Variants in LRRC4C observed in about 807,000 individuals in gnomAD.
LRRC4C encodes leucine-rich repeat-containing protein 4C.
Under a neutral mutation model 33.6 loss-of-function variants are expected in LRRC4C, and 5 were observed. The ratio of observed to expected loss-of-function variants is 0.15; its 90% CI spans 0.08 to 0.31. The LOEUF (loss-of-function observed/expected upper bound fraction) is 0.31, where lower values mean the gene tolerates loss of function less well. Ranked by LOEUF, LRRC4C falls within the 10% of genes least tolerant of loss-of-function variation. The probability of loss-of-function intolerance (pLI) is 1.00; values close to 1 mark genes in which losing one functional copy is unlikely to be tolerated. For synonymous variants in LRRC4C, 329 were observed against 302.0 expected (o/e 1.09, Z -0.93); for missense variants, 560 against 796.7 (o/e 0.70, Z 3.58).
chr11:40,469,602 C>T (rs557730488), intron 3 of LRRC4C, among the ~76,000 whole-genome samples: 1 of 152,306 alleles, frequency 6.6e-6, no homozygotes, highest in African/African-American at 2.4e-5. Context: ...ATCCCACCCC[C>T]ACGGAGCCCA....
intron 3 of LRRC4C, among the ~76,000 whole-genome samples, chr11:40,439,457 T>TG (rs1951291817): frequency 1.7e-5 from 2 of 116,786 alleles, no homozygotes; most frequent in South Asian, 4.7e-4. Flanking sequence ...CCATTTATTC[T>TG]TTTTTTTTTT....
chr11:40,595,347 C>G (rs1457879854), intron 3 of LRRC4C, among the ~76,000 whole-genome samples: 1 of 152,020 alleles, frequency 6.6e-6, no homozygotes. Context: ...AAGTACTGAA[C>G]AGTTCAATAG....
At chr11:40,652,036 G>A (rs1343227849) in intron 2 of LRRC4C, among the ~76,000 whole-genome samples, 1 of 152,080 alleles carries the variant, frequency 6.6e-6, no homozygotes, top group African/African-American at 2.4e-5. Context: ...CTCAATTGGG[G>A]ATAGATATTA....
chr11:40,879,094 A>G (rs1329256752), intron 2 of LRRC4C, among the ~76,000 whole-genome samples: 1 of 152,188 alleles, frequency 6.6e-6, no homozygotes, highest in Admixed American at 6.5e-5. Context: ...GTTCTTGTAC[A>G]GTGCCTTGAA....
At chr11:40,599,069 G>A (rs1480485125) in intron 3 of LRRC4C, among the ~76,000 whole-genome samples, 3 of 152,022 alleles carry the variant, frequency 2.0e-5, no homozygotes, top group African/African-American at 4.8e-5. Context: ...CAAGGCTCAG[G>A]ACATTTACCT....
intron 1 of LRRC4C, among the ~76,000 whole-genome samples, chr11:40,942,080 G>C (rs578164383): frequency 5.1e-4 from 77 of 152,228 alleles, no homozygotes; most frequent in African/African-American, 1.7e-3. Flanking sequence ...AAGGAGAATG[G>C]AAGGGGCAAA....
chr11:40,952,896 A>ACTCTCT (rs35019678), intron 1 of LRRC4C, among the ~76,000 whole-genome samples: 24 of 70,228 alleles, frequency 3.4e-4, no homozygotes, highest in Middle Eastern at 7.4e-3. Context: ...ACACACACAC[A>ACTCTCT]CTCTCTCTCT....
intron 1 of LRRC4C, among the ~76,000 whole-genome samples, chr11:41,212,779 A>C (rs1946877603): frequency 6.6e-6 from 1 of 152,226 alleles, no homozygotes. Context: ...CCTGCAAAGG[A>C]CATGATCTCA....
At position 41,052,016 on chromosome 11, in the gene LRRC4C, C is replaced by T. The variant is rs536728574; in HGVS notation, c.-495-118293G>A. Among the ~76,000 whole-genome samples the T allele has an allele frequency of 3.3e-5, 5 of 152,230 alleles. 1 individual carries two copies. The South Asian group carries it at 1.0e-3, about 32-fold the overall frequency. On this transcript the variant is annotated intron_variant, in intron 1 of 6. Coordinates refer to ENST00000528697, the MANE Select transcript of LRRC4C (RefSeq NM_001258419.2). ...TACCTAAACCACTCAATGTTCTGAT[C>T]TCTAACATGTTTATTGAAATCCTCT...
At chr11:40,143,597 C>A (rs573459071) in intron 5 of LRRC4C, among the ~76,000 whole-genome samples, 111 of 152,252 alleles carry the variant, frequency 7.3e-4, no homozygotes, top group Non-Finnish European at 1.5e-3. Flanking sequence ...GACAACAGTG[C>A]CACCTTTCAT....
chr11:40,525,363 T>C (rs1956000749), intron 3 of LRRC4C, among the ~76,000 whole-genome samples: 2 of 151,990 alleles, frequency 1.3e-5, no homozygotes. Context: ...GGAGAATCGC[T>C]TGAACCCAGG....
intron 2 of LRRC4C, among the ~76,000 whole-genome samples, chr11:40,859,497 T>C (rs10837509): frequency 0.65 from 97,992 of 151,896 alleles, 36,901 homozygotes; most frequent in East Asian, 0.85. Flanking sequence ...ATATATACTC[T>C]TTGTAAGACA....
intron 2 of LRRC4C, among the ~76,000 whole-genome samples, chr11:40,735,415 G>A (rs1947809441): frequency 7.0e-6 from 1 of 143,520 alleles, no homozygotes; most frequent in Admixed American, 7.0e-5. Context: ...TGTGGTGTTT[G>A]GTTTTTTGTC....
intron 1 of LRRC4C, among the ~76,000 whole-genome samples, chr11:41,127,020 T>C (rs1253921704): frequency 6.6e-6 from 1 of 152,192 alleles, no homozygotes; most frequent in East Asian, 1.9e-4. Context: ...AAATCCAATG[T>C]AGTATTTTGC....
chr11:40,629,015 T>C (rs1963227282), intron 3 of LRRC4C, among the ~76,000 whole-genome samples: 2 of 152,110 alleles, frequency 1.3e-5, no homozygotes, highest in African/African-American at 2.4e-5. Context: ...GGTAAAAATA[T>C]AAACAAAAAA....
At chr11:40,183,775 T>C (rs1056770699) in intron 5 of LRRC4C, among the ~76,000 whole-genome samples, 1 of 152,208 alleles carries the variant, frequency 6.6e-6, no homozygotes, top group Non-Finnish European at 1.5e-5. Flanking sequence ...GTATACCTCC[T>C]CAGTCCTTAC....
At chr11:40,917,067 T>C (rs913487518) in intron 2 of LRRC4C, among the ~76,000 whole-genome samples, 1 of 152,180 alleles carries the variant, frequency 6.6e-6, no homozygotes, top group Non-Finnish European at 1.5e-5. Context: ...TGACTCATCA[T>C]GGTATATGGC....
intron 1 of LRRC4C, among the ~76,000 whole-genome samples, chr11:41,410,234 T>A (rs918642471): frequency 4.6e-5 from 7 of 152,132 alleles, no homozygotes; most frequent in Non-Finnish European, 1.0e-4. Flanking sequence ...GAAGCAGAAT[T>A]CTTGTTCAGA....
intron 2 of LRRC4C, among the ~76,000 whole-genome samples, chr11:40,880,378 A>T (rs1450045296): frequency 1.3e-5 from 2 of 152,062 alleles, no homozygotes; most frequent in East Asian, 3.9e-4. Context: ...CTAACTGAAC[A>T]GATATTTTTG....
Sources: allele counts gnomAD v4.1 joint callset (sites outside exome capture counted in the v4.1 genomes callset), GRCh38; gene constraint gnomAD v4.1.1; transcripts MANE v1.5; gene names NCBI Gene and HGNC (gene_info 2026-07-23, HGNC 2026-07-21).